The following OXSR1 variants were observed in gnomAD, a reference collection of about 807,000 sequenced individuals.
OXSR1 encodes serine/threonine-protein kinase OSR1.
A neutral mutation model predicts 79.8 loss-of-function variants in OXSR1; 24 were observed. The ratio of observed to expected loss-of-function variants is 0.30; its 90% CI spans 0.22 to 0.42. The LOEUF (loss-of-function observed/expected upper bound fraction) is 0.42, where lower values mean the gene tolerates loss of function less well. Ranked by LOEUF, OXSR1 falls within the 10% of genes least tolerant of loss-of-function variation. The pLI, the probability that OXSR1 is intolerant of heterozygous loss-of-function variation, is 1.00. For synonymous variants in OXSR1, 226 were observed against 209.2 expected, an observed-to-expected ratio of 1.08 and a Z score of -0.69; for missense variants, 430 against 618.4, an observed-to-expected ratio of 0.70 and a Z score of 3.23.
intron 3 of OXSR1, among the ~76,000 whole-genome samples, chr3:38,191,049 C>G (rs1383050042): frequency 6.6e-6 from 1 of 152,030 alleles, no homozygotes; most frequent in African/African-American, 2.4e-5. Context: ...GCTTAAATCT[C>G]TCTTAATTCT....
At chr3:38,176,042 T>A (rs552553055) in intron 1 of OXSR1, among the ~76,000 whole-genome samples, 19 of 151,224 alleles carry the variant, frequency 1.3e-4, no homozygotes, top group African/African-American at 4.4e-4. Flanking sequence ...TTTAAAAAAT[T>A]TTTTTTTTCT....
intron 8 of OXSR1, among the ~76,000 whole-genome samples, chr3:38,228,746 G>T (rs1013800105): frequency 4.1e-4 from 63 of 152,148 alleles, no homozygotes; most frequent in African/African-American, 1.5e-3. Flanking sequence ...AATTTTTGTG[G>T]TTTTTTTAGC....
At chr3:38,197,002 A>G (rs1197696317) in intron 3 of OXSR1, among the ~76,000 whole-genome samples, 4 of 152,336 alleles carry the variant, frequency 2.6e-5, no homozygotes, top group Admixed American at 1.3e-4. Flanking sequence ...CATTGTTAAT[A>G]TAATTGTTTT....
intron 4 of OXSR1, among the ~76,000 whole-genome samples, chr3:38,212,406 T>C (rs35758356): frequency 0.016 from 2,454 of 152,320 alleles, 70 homozygotes; most frequent in African/African-American, 0.054. Flanking sequence ...TTGAGTAGGA[T>C]GAATGGGTCT....
rs35469439 is a variant in OXSR1, at chr3:38,224,035, A to G, written c.702+122A>G. 9.8e-4 allele frequency: 574 copies of G among 584,384 alleles called. 2 individuals carry two copies. The African/African-American group carries it at 0.01, about 10-fold the overall frequency. The allele number at this position is 584,384 out of a possible 1,614,324, so 36.2% of individuals were successfully genotyped here. The stretch of plus-strand genomic sequence containing the variant: ...TACACATAACATAAAATTGACCATC[A>G]TCTTTAACCATTTTGAATATATAGT... On this transcript the variant is annotated intron_variant, in intron 7 of 17. Coordinates refer to ENST00000311806, the MANE Select transcript of OXSR1 (RefSeq NM_005109.3).
chr3:38,234,130 C>A (rs1400061486), intron 10 of OXSR1, among the ~76,000 whole-genome samples: 9 of 151,998 alleles, frequency 5.9e-5, no homozygotes, highest in Non-Finnish European at 1.2e-4. Context: ...AATATAAGAG[C>A]TAAAGTTATA....
intron 1 of OXSR1, among the ~76,000 whole-genome samples, chr3:38,179,150 G>A (rs1006018845): frequency 1.3e-5 from 2 of 149,198 alleles, no homozygotes; most frequent in African/African-American, 2.5e-5. Context: ...CCTACCTCAC[G>A]CTCCCTAGTA....
At chr3:38,195,032 CTG>C (rs1290857938) in intron 3 of OXSR1, among the ~76,000 whole-genome samples, 2 of 152,188 alleles carry the variant, frequency 1.3e-5, no homozygotes, top group African/African-American at 4.8e-5. Context: ...TTCATTATAA[CTG>C]TAATATTCCT....
chr3:38,169,448 G>C (rs376357086), intron 1 of OXSR1, among the ~76,000 whole-genome samples: 19 of 152,034 alleles, frequency 1.2e-4, no homozygotes, highest in African/African-American at 4.3e-4. Context: ...TGGGGTTATA[G>C]GTGCCTGCCA....
intron 8 of OXSR1, 84 bp from the exon 9 acceptor site, chr3:38,229,603 T>C: frequency 8.3e-7 from 1 of 1,202,996 alleles, no homozygotes; most frequent in East Asian, 2.4e-5. Flanking sequence ...TTGAAAAAAA[T>C]TTTTTCTCAT....
intron 1 of OXSR1, among the ~76,000 whole-genome samples, chr3:38,182,597 A>T (rs2125808493): frequency 6.6e-6 from 1 of 152,340 alleles, no homozygotes; most frequent in South Asian, 2.1e-4. Context: ...GGGAAAACCC[A>T]GTGAACTTAC....
chr3:38,242,724 C>T lies in OXSR1; in HGVS notation c.1075-19C>T. 1 of 1,515,206 alleles carries T rather than the reference C, an allele frequency of 6.6e-7. No homozygotes were observed. Among genetic ancestry groups the T allele is most frequent in the Non-Finnish European group, 9.0e-7 (1 of 1,109,268 alleles). 93.9% of individuals were successfully genotyped at this position (1,515,206 alleles called of 1,614,324 possible). On this transcript the variant is annotated intron_variant, in intron 11 of 17. Coordinates refer to ENST00000311806, the MANE Select transcript of OXSR1 (RefSeq NM_005109.3). Reference sequence around the variant, plus strand: ...CCTGAGTTGTGAGTTAACAATCATCCTTTTTGTATTTCGTTTAGTCTCCCC... The same window carrying T: ...CCTGAGTTGTGAGTTAACAATCATCTTTTTTGTATTTCGTTTAGTCTCCCC...
chr3:38,241,470 A>C (rs1358302392), intron 11 of OXSR1, among the ~76,000 whole-genome samples: 1 of 152,184 alleles, frequency 6.6e-6, no homozygotes, highest in Non-Finnish European at 1.5e-5. Context: ...GTATTATATC[A>C]TGTTAAATTT....
chr3:38,184,101 A>C (rs1349520295), intron 2 of OXSR1, among the ~76,000 whole-genome samples: 2 of 152,158 alleles, frequency 1.3e-5, no homozygotes, highest in South Asian at 4.1e-4. Flanking sequence ...TTAGAACTGG[A>C]ATGACCTGCC....
intron 10 of OXSR1, among the ~76,000 whole-genome samples, chr3:38,234,994 ATGT>A (rs1210305838): frequency 6.6e-6 from 1 of 152,184 alleles, no homozygotes; most frequent in African/African-American, 2.4e-5. Context: ...AAAAGACCAC[ATGT>A]TGTGTGATTC....
At chr3:38,244,664 T>TGC (rs748992538) in intron 12 of OXSR1, among the ~76,000 whole-genome samples, 9 of 130,578 alleles carry the variant, frequency 6.9e-5, no homozygotes, top group Admixed American at 2.3e-4. Flanking sequence ...TGTGTGTGTG[T>TGC]GTGCGTGCGC....
intron 5 of OXSR1, among the ~76,000 whole-genome samples, chr3:38,217,905 T>C (rs1357730290): frequency 1.3e-5 from 2 of 152,230 alleles, no homozygotes; most frequent in Non-Finnish European, 2.9e-5. Flanking sequence ...TTTCATTTTG[T>C]ATAATGTCTT....
rs943676261 is a variant in OXSR1, at chr3:38,253,168, A to G, written c.*277A>G. On this transcript the variant is annotated 3_prime_UTR_variant, in exon 18 of 18. Transcript: ENST00000311806. Reference sequence around the variant, plus strand: ...TCTGAGAAGTGGCCCATGTGCTTCAAGGCCCAGGAGGGAGATCTGTCAGCT... The same window carrying G: ...TCTGAGAAGTGGCCCATGTGCTTCAGGGCCCAGGAGGGAGATCTGTCAGCT... The G allele has an allele frequency of 4.6e-5, 19 of 410,494 alleles. No homozygotes were observed. Among genetic ancestry groups the G allele is most frequent in the African/African-American group, 3.7e-4 (18 of 48,840 alleles). 25.4% of individuals were successfully genotyped at this position (410,494 alleles called of 1,614,324 possible).
chr3:38,238,416 C>T (rs1702962423), intron 11 of OXSR1, among the ~76,000 whole-genome samples: 1 of 152,010 alleles, frequency 6.6e-6, no homozygotes, highest in African/African-American at 2.4e-5. Flanking sequence ...TGACAAAATT[C>T]CGCCCATATT....
Sources: allele counts gnomAD v4.1 joint callset (sites outside exome capture counted in the v4.1 genomes callset), GRCh38; gene constraint gnomAD v4.1.1; transcripts MANE v1.5; gene names NCBI Gene and HGNC (gene_info 2026-07-23, HGNC 2026-07-21).